Variants in LRRC4C observed in about 807,000 individuals in gnomAD.
LRRC4C encodes the protein leucine rich repeat containing 4C.
LRRC4C carries 5 observed loss-of-function variants against 33.6 expected under a neutral mutation model. The observed-to-expected ratio is 0.15, with a 90% confidence interval of 0.08 to 0.31. The LOEUF (loss-of-function observed/expected upper bound fraction) is 0.31. LRRC4C is among the 10% of genes least tolerant of loss of function. The pLI is 1.00. For missense variants in LRRC4C, 560 were observed against 796.7 expected (o/e 0.70, Z 3.58); for synonymous variants, 329 against 302.0 (o/e 1.09, Z -0.93).
At chr11:41,292,205 T>G (rs537675118) in intron 1 of LRRC4C, among the ~76,000 whole-genome samples, 1 of 152,112 alleles carries the variant, frequency 6.6e-6, no homozygotes, top group Non-Finnish European at 1.5e-5. Flanking sequence ...CTTTAGCTAA[T>G]TAATTTAAGA....
chr11:41,342,020 C>T (rs932277489), intron 1 of LRRC4C, among the ~76,000 whole-genome samples: 2 of 151,432 alleles, frequency 1.3e-5, no homozygotes, highest in African/African-American at 4.8e-5. Context: ...TCATGAACCT[C>T]ACCCCTGGTT....
intron 4 of LRRC4C, among the ~76,000 whole-genome samples, chr11:40,302,650 T>C (rs945789914): frequency 1.3e-5 from 2 of 152,226 alleles, no homozygotes; most frequent in African/African-American, 4.8e-5. Flanking sequence ...TTTAGTACTA[T>C]CCAATTCAAT....
At chr11:40,305,679 C>T (rs1227811435) in intron 4 of LRRC4C, among the ~76,000 whole-genome samples, 7 of 152,000 alleles carry the variant, frequency 4.6e-5, no homozygotes, top group Admixed American at 2.6e-4. Context: ...GGATAAAAGC[C>T]TGGGCTCTTA....
chr11:41,135,204 ATC>A (rs1943203306), intron 1 of LRRC4C, among the ~76,000 whole-genome samples: 1 of 152,214 alleles, frequency 6.6e-6, no homozygotes, highest in East Asian at 1.9e-4. Flanking sequence ...TCTGCTAAAA[ATC>A]TCTCTAATTT....
At chr11:41,418,579 T>C (rs1257564570) in intron 1 of LRRC4C, among the ~76,000 whole-genome samples, 1 of 151,744 alleles carries the variant, frequency 6.6e-6, no homozygotes, top group African/African-American at 2.4e-5. Context: ...CAAGATAGAG[T>C]AAATATTCAG....
chr11:40,321,688 T>C (rs1019199558), intron 3 of LRRC4C, among the ~76,000 whole-genome samples: 2 of 152,196 alleles, frequency 1.3e-5, no homozygotes, highest in Non-Finnish European at 2.9e-5. Context: ...ACATATTCAA[T>C]TGAAGTAGAT....
At chr11:40,971,100 T>C (rs904276256) in intron 1 of LRRC4C, among the ~76,000 whole-genome samples, 8 of 152,330 alleles carry the variant, frequency 5.3e-5, no homozygotes, top group Admixed American at 5.2e-4. Context: ...AAAAACTCAG[T>C]TTCTGGAGAA....
At chr11:40,484,009 G>A (rs1467978640) in intron 3 of LRRC4C, among the ~76,000 whole-genome samples, 2 of 151,986 alleles carry the variant, frequency 1.3e-5, no homozygotes, top group African/African-American at 2.4e-5. Context: ...ATAAAAAACA[G>A]TACTGATATA....
intron 1 of LRRC4C, among the ~76,000 whole-genome samples, chr11:41,390,827 C>T (rs1953560250): frequency 6.6e-6 from 1 of 151,804 alleles, no homozygotes; most frequent in African/African-American, 2.4e-5. Flanking sequence ...TTCATGTGGG[C>T]AAGGACTAAG....
chr11:41,079,403 A>C lies in LRRC4C; in HGVS notation c.-495-145680T>G, dbSNP rs146608258. ...AGATGTGATGTAACAATTTTGAAGG[A>C]TAGGCACGTTTGATATTTAATTGTA... On this transcript the variant is annotated intron_variant, in intron 1 of 6. Coordinates refer to ENST00000528697, the MANE Select transcript of LRRC4C (RefSeq NM_001258419.2). Among the ~76,000 whole-genome samples, 141 of 152,336 alleles carry C rather than the reference A, an allele frequency of 9.3e-4. 4 individuals carry two copies. In the East Asian group the frequency reaches 0.023, roughly 25 times the overall value.
chr11:41,304,034 C>T (rs1203225792), intron 1 of LRRC4C, among the ~76,000 whole-genome samples: 1 of 71,648 alleles, frequency 1.4e-5, no homozygotes, highest in African/African-American at 3.6e-5. Context: ...CCGCCCCATC[C>T]GGGAGGGAGG....
intron 2 of LRRC4C, among the ~76,000 whole-genome samples, chr11:40,725,888 T>G (rs1031559991): frequency 1.3e-5 from 2 of 152,112 alleles, no homozygotes; most frequent in African/African-American, 4.8e-5. Flanking sequence ...AAACTTCTGT[T>G]TGGCCTCCTG....
intron 3 of LRRC4C, among the ~76,000 whole-genome samples, chr11:40,628,911 T>G (rs986480350): frequency 1.3e-5 from 2 of 152,178 alleles, no homozygotes; most frequent in Admixed American, 1.3e-4. Context: ...TAATTATGCT[T>G]AATATGAAGG....
chr11:40,771,806 A>G (rs1949767921), intron 2 of LRRC4C, among the ~76,000 whole-genome samples: 1 of 152,142 alleles, frequency 6.6e-6, no homozygotes, highest in Non-Finnish European at 1.5e-5. Flanking sequence ...CTCAACACAG[A>G]CTACATTGTT....
intron 2 of LRRC4C, among the ~76,000 whole-genome samples, chr11:40,886,305 C>A (rs1359191075): frequency 6.6e-6 from 1 of 151,548 alleles, no homozygotes; most frequent in Non-Finnish European, 1.5e-5. Flanking sequence ...GCTAAAATAA[C>A]CTGAATATCT....
intron 2 of LRRC4C, among the ~76,000 whole-genome samples, chr11:40,816,904 G>A (rs1488041818): frequency 6.6e-6 from 1 of 152,080 alleles, no homozygotes; most frequent in Non-Finnish European, 1.5e-5. Flanking sequence ...CCACGTATAG[G>A]TAGAAGACTT....
intron 1 of LRRC4C, among the ~76,000 whole-genome samples, chr11:41,127,702 T>G (rs1942813279): frequency 6.7e-6 from 1 of 149,506 alleles, no homozygotes; most frequent in Non-Finnish European, 1.5e-5. Context: ...CCAGAGTGTT[T>G]AATTGCCGTG....
At chr11:40,893,396 C>A (rs1799665089) in intron 2 of LRRC4C, among the ~76,000 whole-genome samples, 6 of 151,858 alleles carry the variant, frequency 4.0e-5, no homozygotes, top group Admixed American at 3.9e-4. Context: ...GTTCATAACA[C>A]AAAGAAATGA....
chr11:40,594,262 A>C (rs918032495), intron 3 of LRRC4C, among the ~76,000 whole-genome samples: 13 of 152,194 alleles, frequency 8.5e-5, no homozygotes, highest in African/African-American at 3.1e-4. Context: ...CCAGCACTGT[A>C]TTATGCTGGG....
Sources: allele counts gnomAD v4.1 joint callset (sites outside exome capture counted in the v4.1 genomes callset), GRCh38; gene constraint gnomAD v4.1.1; transcripts MANE v1.5; gene names NCBI Gene and HGNC (gene_info 2026-07-23, HGNC 2026-07-21).